ERGIC2: variants seen among roughly 807,000 people sequenced by gnomAD.
ERGIC2 encodes ERGIC and golgi 2, also known as endoplasmic reticulum-Golgi intermediate compartment protein 2.
A neutral mutation model predicts 52.5 loss-of-function variants in ERGIC2; 31 were observed. The observed-to-expected ratio is 0.59, with a 90% CI of 0.44 to 0.80. ERGIC2 has a LOEUF of 0.80. Among genes scored for constraint, ERGIC2 ranks in the 30% least tolerant of loss-of-function variants. The pLI is 0.00. For synonymous variants in ERGIC2, 129 were observed against 140.6 expected (o/e 0.92, Z 0.58); for missense variants, 395 against 455.2 (o/e 0.87, Z 1.20).
In ERGIC2 at chr12:29,357,618, C is replaced by T. The variant is rs778877387; in HGVS notation, c.476+5G>A. ...ACAGTTGCACATTTAAAATACAGAT[C>T]TCACCTTGGTGGAAGAGCTGTTGAT... On this transcript the variant is annotated splice_donor_5th_base_variant and intron_variant, in intron 7 of 13. Coordinates refer to ENST00000360150, the MANE Select transcript of ERGIC2 (RefSeq NM_016570.3). 2.8e-5 allele frequency: 41 copies of T among 1,446,888 alleles called. No homozygotes were observed. The Admixed American group carries it at 7.1e-4, about 25-fold the overall frequency. 89.6% of individuals were successfully genotyped at this position (1,446,888 alleles called of 1,614,324 possible).
chr12:29,368,317 C>T (rs753176715), intron 3 of ERGIC2, 30 bp from the exon 4 acceptor site: 9 of 1,156,900 alleles, frequency 7.8e-6, no homozygotes, highest in Non-Finnish European at 1.2e-5. Flanking sequence ...ACATTAGTAC[C>T]TACCAATTAA....
chr12:29,343,025 A>C, intron 12 of ERGIC2, 95 bp downstream of exon 12: 1 of 1,057,754 alleles, frequency 9.5e-7, no homozygotes, highest in Non-Finnish European at 1.3e-6. Context: ...ACACCGAAAC[A>C]TGAAAATCTG....
In ERGIC2 at chr12:29,370,203, T is replaced by C; in HGVS notation, c.126A>G (p.Thr42=). ...SGGTVSLIAF[T]TMALLTIMEF... is the part of the protein sequence containing the mutation. ...CCATTATGGTTAATAAAGCCATAGT[T>C]GTAAATGCTATTAGAGAAACTGGGA... Residue 42 remains threonine, a synonymous_variant, in exon 3 of 14, where the codon ACA becomes ACG. Transcript: ENST00000360150. 6.5e-7 allele frequency: 1 copy of C among 1,546,650 alleles called. No homozygotes were observed. The highest frequency in any genetic ancestry group is 8.6e-7 in the Non-Finnish European group (1 of 1,157,642).
intron 1 of ERGIC2, among the ~76,000 whole-genome samples, chr12:29,377,262 A>G (rs1396595718): frequency 6.6e-6 from 1 of 152,152 alleles, no homozygotes; most frequent in Non-Finnish European, 1.5e-5. Context: ...AACAAACATA[A>G]ATAAACTCCA....
Position 29,368,699 on chromosome 12 carries a change from G to A in ERGIC2, c.216-412C>T, listed in dbSNP as rs1176221283. On this transcript the variant is annotated intron_variant, in intron 3 of 13. Transcript: ENST00000360150. ...TCAAACACCATATATTAAGCATGAT[G>A]CTAGATGTTCTACAAATATTATCTC... 5.9e-5 allele frequency among the ~76,000 whole-genome samples: 9 copies of A among 151,974 alleles called. No individual in the cohort carries two copies. The East Asian group carries it at 1.7e-3, about 29-fold the overall frequency.
chr12:29,352,059 T>C (rs995569255), intron 8 of ERGIC2, among the ~76,000 whole-genome samples: 1 of 152,186 alleles, frequency 6.6e-6, no homozygotes, highest in African/African-American at 2.4e-5. Flanking sequence ...TTCTTTTTTT[T>C]AACATAGTAA....
At chr12:29,346,676 A>T (rs1338325936) in intron 10 of ERGIC2, among the ~76,000 whole-genome samples, 1 of 152,218 alleles carries the variant, frequency 6.6e-6, no homozygotes, top group Non-Finnish European at 1.5e-5. Context: ...AAACTACTCA[A>T]TGATGGCCTG....
chr12:29,379,549 T>C (rs1329357662), intron 1 of ERGIC2, among the ~76,000 whole-genome samples: 1 of 152,170 alleles, frequency 6.6e-6, no homozygotes, highest in Non-Finnish European at 1.5e-5. Context: ...CAAGGCAACA[T>C]TTGTAACTAC....
rs1949829608 is a variant in ERGIC2, at chr12:29,340,439, A to G, written c.*717T>C. 1 of 154,344 alleles carries G rather than the reference A, an allele frequency of 6.5e-6. No individual in the cohort carries two copies. Among genetic ancestry groups the G allele is most frequent in the South Asian group, 2.0e-4 (1 of 4,972 alleles). 9.6% of individuals were successfully genotyped at this position (154,344 alleles called of 1,614,324 possible). ...TTTTCCGTGTATAAGATTCTACTAT[A>G]CCATTTGTGAATGACACCCTAGTTA... On this transcript the variant is annotated 3_prime_UTR_variant, in exon 14 of 14. Transcript: ENST00000360150.
Position 29,343,184 on chromosome 12 carries a change from G to A in ERGIC2, c.924C>T (p.His308=), listed in dbSNP as rs761686019. The A allele has an allele frequency of 6.2e-7, 1 of 1,611,430 alleles. No homozygotes were observed. Among genetic ancestry groups the A allele is most frequent in the Non-Finnish European group, 8.5e-7 (1 of 1,178,178 alleles). ...TTACAAAAAACTGCCAGAATGGCAT[G>A]TGCTCCTCAGTAACTGTCACCATAA... ...SSLMVTVTEE[H]MPFWQFFVRL... is the part of the protein sequence containing the mutation. The change falls in exon 12 of 14, where the codon CAC becomes CAT. Residue 308 remains histidine (H), a synonymous_variant. Coordinates refer to ENST00000360150, the MANE Select transcript of ERGIC2 (RefSeq NM_016570.3).
intron 8 of ERGIC2, among the ~76,000 whole-genome samples, chr12:29,351,840 T>A (rs576814987): frequency 1.3e-5 from 2 of 152,318 alleles, no homozygotes; most frequent in South Asian, 4.1e-4. Context: ...TATTCCATTT[T>A]TAATTTTCTA....
intron 8 of ERGIC2, among the ~76,000 whole-genome samples, chr12:29,354,135 CCTGA>C (rs1460568099): frequency 6.6e-6 from 1 of 152,092 alleles, no homozygotes; most frequent in Non-Finnish European, 1.5e-5. Flanking sequence ...CCAGGATTTG[CCTGA>C]CTTTCAAATG....
At chr12:29,349,045 A>G in intron 10 of ERGIC2, 34 bp downstream of exon 10, 8 of 1,159,372 alleles carry the variant, frequency 6.9e-6, no homozygotes, top group Non-Finnish European at 9.9e-6. Flanking sequence ...AATTTTCTAC[A>G]TGTAAAATCC....
chr12:29,370,571 A>G (rs1227991548), intron 2 of ERGIC2, among the ~76,000 whole-genome samples: 1 of 151,998 alleles, frequency 6.6e-6, no homozygotes, highest in Non-Finnish European at 1.5e-5. Context: ...GATGAAAGTA[A>G]GCATGCCTTA....
intron 9 of ERGIC2, among the ~76,000 whole-genome samples, 198 bp downstream of exon 9, chr12:29,349,815 T>C (rs1940107043): frequency 6.6e-6 from 1 of 152,082 alleles, no homozygotes; most frequent in South Asian, 2.1e-4. Flanking sequence ...ACACTAGGCT[T>C]TCCTCCCTAA....
At chr12:29,346,602 A>C (rs890573415) in intron 10 of ERGIC2, among the ~76,000 whole-genome samples, 88 of 152,328 alleles carry the variant, frequency 5.8e-4, no homozygotes, top group African/African-American at 1.9e-3. Context: ...CTAAACCAAA[A>C]TCAAATTAGC....
At chr12:29,356,063 C>G (rs1408247001) in intron 8 of ERGIC2, among the ~76,000 whole-genome samples, 1 of 152,002 alleles carries the variant, frequency 6.6e-6, no homozygotes, top group African/African-American at 2.4e-5. Flanking sequence ...TGCTCATCGC[C>G]CAGGCTGTAG....
chr12:29,377,436 A>G lies in ERGIC2; in HGVS notation c.-38+3679T>C, dbSNP rs1239270325. ...ATATAACCTATGCACATCCTCTTGT[A>G]TACTTTAAATGATCTTTAGACTACT... is the stretch of plus-strand genomic sequence containing the variant. On this transcript the variant is annotated intron_variant, in intron 1 of 13. Coordinates refer to ENST00000360150, the MANE Select transcript of ERGIC2 (RefSeq NM_016570.3). Among the ~76,000 whole-genome samples the G allele has an allele frequency of 2.6e-5, 4 of 152,288 alleles. No individual in the cohort carries two copies. The South Asian group carries it at 6.2e-4, about 24-fold the overall frequency.
chr12:29,363,155 G>A (rs1469254738), intron 5 of ERGIC2, among the ~76,000 whole-genome samples: 2 of 152,102 alleles, frequency 1.3e-5, no homozygotes, highest in Non-Finnish European at 1.5e-5. Flanking sequence ...ATCACAGATA[G>A]TAAGTAACAA....
Sources: gnomAD v4.1 joint callset for allele counts (sites outside exome capture counted in the v4.1 genomes callset) on GRCh38, gnomAD v4.1.1 for gene constraint, MANE v1.5 for transcripts, NCBI Gene and HGNC (gene_info 2026-07-23, HGNC 2026-07-21) for gene names.